PLXDC2: variants seen among roughly 807,000 people sequenced by gnomAD.
PLXDC2 encodes the protein plexin domain containing 2.
PLXDC2 carries 40 observed loss-of-function variants against 68.9 expected under a neutral mutation model. That is an observed-to-expected ratio of 0.58 (90% confidence interval 0.45 to 0.76). The LOEUF (loss-of-function observed/expected upper bound fraction) is 0.76, where lower values mean the gene tolerates loss of function less well. Ranked by LOEUF, PLXDC2 falls within the 30% of genes least tolerant of loss-of-function variation. The pLI, the probability that PLXDC2 is intolerant of heterozygous loss-of-function variation, is 0.00. For missense variants in PLXDC2, 644 were observed against 661.9 expected (o/e 0.97, Z 0.30); for synonymous variants, 243 against 234.2 (o/e 1.04, Z -0.34).
At chr10:19,913,919 C>T (rs1269941439) in intron 1 of PLXDC2, among the ~76,000 whole-genome samples, 1 of 152,058 alleles carries the variant, frequency 6.6e-6, no homozygotes, top group Non-Finnish European at 1.5e-5. Context: ...AGTTAAAACA[C>T]AGACACACAC....
rs146667538 is a variant in PLXDC2 at position 20,095,580 on chromosome 10, C to T, written c.541+27341C>T. The stretch of plus-strand genomic sequence containing the variant: ...TTGGTGATACTACAGTGTTAGGTAC[C>T]CTGAGGGAGAGTGGATTAAGGACTA... On this transcript the variant is annotated intron_variant, in intron 4 of 13. Transcript: ENST00000377252. Among the ~76,000 whole-genome samples the T allele has an allele frequency of 1.7e-3, 255 of 152,032 alleles. 1 individual carries two copies. The highest frequency in any genetic ancestry group is 4.9e-3 in the African/African-American group (205 of 41,464).
chr10:20,144,704 A>G (rs951724739), intron 5 of PLXDC2, among the ~76,000 whole-genome samples: 5 of 152,214 alleles, frequency 3.3e-5, no homozygotes, highest in Non-Finnish European at 7.3e-5. Flanking sequence ...TTCTATGATT[A>G]CCATGCAAAA....
At chr10:20,172,708 G>A (rs1289002933) in intron 7 of PLXDC2, among the ~76,000 whole-genome samples, 1 of 152,112 alleles carries the variant, frequency 6.6e-6, no homozygotes, top group Non-Finnish European at 1.5e-5. Context: ...GTATACGTGA[G>A]AGAAAAATAA....
intron 1 of PLXDC2, among the ~76,000 whole-genome samples, chr10:19,920,310 G>A (rs1377580748): frequency 6.6e-6 from 1 of 152,222 alleles, no homozygotes; most frequent in East Asian, 1.9e-4. Context: ...GGTGAGGACA[G>A]GCATTTCCTC....
At chr10:20,207,756 A>C (rs1835012311) in intron 9 of PLXDC2, among the ~76,000 whole-genome samples, 1 of 152,072 alleles carries the variant, frequency 6.6e-6, no homozygotes, top group African/African-American at 2.4e-5. Flanking sequence ...GGGATTCTCA[A>C]ATTTAGGATG....
intron 1 of PLXDC2, among the ~76,000 whole-genome samples, chr10:19,863,428 C>A (rs1460326219): frequency 6.6e-6 from 1 of 152,116 alleles, no homozygotes; most frequent in Non-Finnish European, 1.5e-5. Flanking sequence ...GATAGCTGGG[C>A]TGCAAAGAAA....
chr10:20,010,682 T>G (rs1019877355), intron 2 of PLXDC2, among the ~76,000 whole-genome samples: 7 of 152,210 alleles, frequency 4.6e-5, no homozygotes, highest in Admixed American at 3.9e-4. Context: ...ATTAACTGCA[T>G]TAGTCATATA....
chr10:19,905,397 A>C (rs1410608221), intron 1 of PLXDC2, among the ~76,000 whole-genome samples: 1 of 152,178 alleles, frequency 6.6e-6, no homozygotes. Context: ...CATTCTTTGT[A>C]AATATTATTT....
chr10:19,976,013 T>C (rs1481370230), intron 1 of PLXDC2, among the ~76,000 whole-genome samples: 2 of 152,000 alleles, frequency 1.3e-5, no homozygotes, highest in Non-Finnish European at 2.9e-5. Flanking sequence ...AAAATAAAAA[T>C]AAAAAAGAAT....
intron 13 of PLXDC2, among the ~76,000 whole-genome samples, chr10:20,270,192 G>A (rs552277348): frequency 2.4e-4 from 37 of 152,190 alleles, no homozygotes; most frequent in African/African-American, 8.4e-4. Flanking sequence ...CTGAATTGGG[G>A]TATTTATAGA....
chr10:20,139,670 A>T (rs1833975455), intron 4 of PLXDC2, among the ~76,000 whole-genome samples: 1 of 152,224 alleles, frequency 6.6e-6, no homozygotes, highest in Admixed American at 6.5e-5. Context: ...AATACTATGC[A>T]GCCATAAAAA....
chr10:19,981,472 CCG>C (rs1167660118), intron 1 of PLXDC2, among the ~76,000 whole-genome samples: 9 of 152,172 alleles, frequency 5.9e-5, no homozygotes, highest in Non-Finnish European at 1.3e-4. Flanking sequence ...GAACCTCATT[CCG>C]TTGGAGATGA....
At chr10:20,056,511 A>G (rs1033207572) in intron 3 of PLXDC2, among the ~76,000 whole-genome samples, 2 of 152,172 alleles carry the variant, frequency 1.3e-5, no homozygotes, top group African/African-American at 4.8e-5. Flanking sequence ...TAATTACATA[A>G]ATACATGCAT....
intron 1 of PLXDC2, among the ~76,000 whole-genome samples, chr10:19,862,052 G>C (rs1837328957): frequency 6.6e-6 from 1 of 152,210 alleles, no homozygotes; most frequent in Non-Finnish European, 1.5e-5. Context: ...CTTCACATAG[G>C]AGATAAGGAA....
chr10:19,949,780 G>A (rs568910083), intron 1 of PLXDC2, among the ~76,000 whole-genome samples: 17 of 152,264 alleles, frequency 1.1e-4, no homozygotes, highest in African/African-American at 3.4e-4. Flanking sequence ...TACTTCTTAA[G>A]TGAAAGTGTA....
chr10:19,854,379 T>A (rs1837176042), intron 1 of PLXDC2, among the ~76,000 whole-genome samples: 1 of 152,138 alleles, frequency 6.6e-6, no homozygotes, highest in South Asian at 2.1e-4. Context: ...TATAAATCAG[T>A]GGCTATCAAC....
intron 6 of PLXDC2, among the ~76,000 whole-genome samples, chr10:20,154,379 C>T (rs1057025066): frequency 3.3e-5 from 5 of 152,040 alleles, no homozygotes; most frequent in Admixed American, 2.6e-4. Context: ...AGCCTGGCAA[C>T]ATGGTGTAAC....
In PLXDC2 at chr10:20,229,517, C is replaced by CAAAA. The variant is rs58386547; in HGVS notation, c.1312+10432_1312+10435dup. Among the ~76,000 whole-genome samples the CAAAA allele has an allele frequency of 8.8e-4, 93 of 105,584 alleles. 2 individuals carry two copies. The highest frequency in any genetic ancestry group is 5.2e-3 in the Middle Eastern group (1 of 194). 69.3% of individuals were successfully genotyped at this position (105,584 alleles called of 152,430 possible). ...ACGTAATATGCTGATCCACTTTAAG[C>CAAAA]AAAAAAAAAAAAAAAAAAAAGGAAT... On this transcript the variant is annotated intron_variant, in intron 12 of 13. Transcript: ENST00000377252.
intron 1 of PLXDC2, among the ~76,000 whole-genome samples, chr10:19,927,505 TC>T (rs1833556255): frequency 6.6e-6 from 1 of 151,588 alleles, no homozygotes; most frequent in South Asian, 2.1e-4. Context: ...ATGGAGACCA[TC>T]CTGGCCAACA....
Sources: gnomAD v4.1 joint callset for allele counts (sites outside exome capture counted in the v4.1 genomes callset) on GRCh38, gnomAD v4.1.1 for gene constraint, MANE v1.5 for transcripts, NCBI Gene and HGNC (gene_info 2026-07-23, HGNC 2026-07-21) for gene names.